The following DCSTAMP variants were observed in gnomAD, a reference collection of about 807,000 sequenced individuals.
DCSTAMP encodes dendritic cell-specific transmembrane protein.
DCSTAMP carries 25 observed loss-of-function variants against 33.8 expected under a neutral mutation model. The observed-to-expected ratio is 0.74, with a 90% confidence interval of 0.54 to 1.03. DCSTAMP has a LOEUF of 1.03. DCSTAMP is among the 50% of genes least tolerant of loss of function. The pLI is 0.00. For missense variants in DCSTAMP, 531 were observed against 556.8 expected (o/e 0.95, Z 0.47); for synonymous variants, 245 against 216.7 (o/e 1.13, Z -1.15).
chr8:104,342,867 C>T (rs893060216), intron 1 of DCSTAMP, among the ~76,000 whole-genome samples: 2 of 152,214 alleles, frequency 1.3e-5, no homozygotes, highest in Admixed American at 6.5e-5. Flanking sequence ...GTGAGCCTAA[C>T]GCTGGCTGTA....
chr8:104,353,850 A>G (rs1228473641), intron 2 of DCSTAMP, among the ~76,000 whole-genome samples: 1 of 152,238 alleles, frequency 6.6e-6, no homozygotes, highest in Non-Finnish European at 1.5e-5. Flanking sequence ...ACCCCAGTCT[A>G]TAAGGCTAAT....
chr8:104,343,890 C>T (rs533058725), intron 1 of DCSTAMP, among the ~76,000 whole-genome samples: 17 of 152,346 alleles, frequency 1.1e-4, no homozygotes, highest in African/African-American at 3.8e-4. Flanking sequence ...CTTCCAGCCT[C>T]CACCACTGTG....
chr8:104,345,094 T>G (rs190911882), intron 1 of DCSTAMP, among the ~76,000 whole-genome samples: 5 of 152,052 alleles, frequency 3.3e-5, no homozygotes, highest in African/African-American at 1.2e-4. Flanking sequence ...CAGCCTCCAG[T>G]GCCTGTCTCT....
rs1177278714 is a variant in DCSTAMP, at chr8:104,356,111, T to G, written c.1339-13T>G. ...ACTCCAATGCCCATTTATCCACTTT[T>G]CTGTCTCTTCAGATTCATTTCTGGC... On this transcript the variant is annotated splice_polypyrimidine_tract_variant and intron_variant, in intron 3 of 3. Transcript: ENST00000297581. The G allele has an allele frequency of 3.1e-6, 5 of 1,607,052 alleles. No homozygotes were observed. The highest frequency in any genetic ancestry group is 4.2e-6 in the Non-Finnish European group (5 of 1,177,298).
chr8:104,348,993 A>G lies in DCSTAMP; in HGVS notation c.441A>G (p.Ala147=). ...CACTTTTGAAAAAATATATTGAGGC[A>G]ATTCAGTGGATTTATGGCCTTGCCA... ...HFPLLKKYIE[A]IQWIYGLATP... Residue 147 remains alanine, a synonymous_variant, in exon 2 of 4, where the codon GCA becomes GCG. Coordinates refer to ENST00000297581, the MANE Select transcript of DCSTAMP (RefSeq NM_030788.4). 1 of 1,614,208 alleles carries G rather than the reference A, an allele frequency of 6.2e-7. No individual in the cohort carries two copies. The highest frequency in any genetic ancestry group is 8.5e-7 in the Non-Finnish European group (1 of 1,180,044).
At chr8:104,350,628 T>C (rs568069613) in intron 2 of DCSTAMP, among the ~76,000 whole-genome samples, 3 of 152,162 alleles carry the variant, frequency 2.0e-5, no homozygotes, top group Admixed American at 6.5e-5. Context: ...GAGTTGGACA[T>C]AGAGTTTCAG....
At chr8:104,340,148 G>GC (rs1328123796) in intron 1 of DCSTAMP, 1 of 152,210 alleles carries the variant, frequency 6.6e-6, no homozygotes, top group Non-Finnish European at 1.5e-5. Flanking sequence ...GTTATGGGGA[G>GC]CCCTAGGCTG....
At chr8:104,347,970 A>G (rs1810357474) in intron 1 of DCSTAMP, among the ~76,000 whole-genome samples, 1 of 152,190 alleles carries the variant, frequency 6.6e-6, no homozygotes, top group Non-Finnish European at 1.5e-5. Flanking sequence ...TAAGGATAAA[A>G]GCAGAGGGAA....
rs988695507 is a variant in DCSTAMP at position 104,342,433 on chromosome 8, A to C, written c.-13+2571A>C. 2.0e-5 allele frequency among the ~76,000 whole-genome samples: 3 copies of C among 152,232 alleles called. No individual in the cohort carries two copies. The South Asian group carries it at 6.2e-4, about 32-fold the overall frequency. On this transcript the variant is annotated intron_variant, in intron 1 of 3. Transcript: ENST00000297581. ...AGAAATCTAGATTTCTGACTTAAAA[A>C]ATAAAAGTCAGAAAATCTGGTGACT...
intron 2 of DCSTAMP, among the ~76,000 whole-genome samples, chr8:104,353,516 T>C (rs920172090): frequency 1.1e-4 from 17 of 152,374 alleles, no homozygotes; most frequent in Admixed American, 2.6e-4. Flanking sequence ...GTTTCTTCAA[T>C]AGTATTAAAA....
At chr8:104,342,464 C>T (rs918045343) in intron 1 of DCSTAMP, among the ~76,000 whole-genome samples, 27 of 152,212 alleles carry the variant, frequency 1.8e-4, no homozygotes, top group South Asian at 4.1e-4. Flanking sequence ...TGACTGCCTC[C>T]ATAGAGAACT....
chr8:104,353,480 T>C (rs1191291963), intron 2 of DCSTAMP, among the ~76,000 whole-genome samples: 1 of 152,234 alleles, frequency 6.6e-6, no homozygotes, highest in Non-Finnish European at 1.5e-5. Context: ...GCAGGATTTC[T>C]CATCACTGAC....
In DCSTAMP at chr8:104,356,244, C is replaced by T; in HGVS notation, c.*46C>T. 1 of 1,572,914 alleles carries T rather than the reference C, an allele frequency of 6.4e-7. No individual in the cohort carries two copies. Among genetic ancestry groups the T allele is most frequent in the Non-Finnish European group, 8.7e-7 (1 of 1,152,340 alleles). ...GCCACATCGCACCAACAATTCTCTT[C>T]AGGTCTAGGATGGCAGTCACTATTC... On this transcript the variant is annotated 3_prime_UTR_variant, in exon 4 of 4. Coordinates refer to ENST00000297581, the MANE Select transcript of DCSTAMP (RefSeq NM_030788.4).
intron 1 of DCSTAMP, among the ~76,000 whole-genome samples, chr8:104,346,480 C>T (rs539321027): frequency 2.6e-5 from 4 of 152,360 alleles, no homozygotes; most frequent in African/African-American, 9.6e-5. Flanking sequence ...TCAGTCCAGC[C>T]TCTGATTCCA....
In DCSTAMP at chr8:104,348,757, T is replaced by A; in HGVS notation, c.205T>A (p.Cys69Ser). 1 of 1,614,202 alleles carries A rather than the reference T, an allele frequency of 6.2e-7. No homozygotes were observed. The highest frequency in any genetic ancestry group is 1.1e-5 in the South Asian group (1 of 91,092). The stretch of plus-strand genomic sequence containing the variant: ...GGCCGCTGCCTCCTGGATTATCACG[T>A]GTGTTCTGCTGTGTTGCTCCAAGCA... Reference protein sequence around the residue: ...IAAAASWIITCVLLCCSKHAR... With the variant: ...IAAAASWIITSVLLCCSKHAR... The change falls in exon 2 of 4, where the codon TGT becomes AGT. Residue 69 changes from cysteine to serine, a missense_variant. Cys to Ser is a moderately radical substitution (Grantham distance 112, BLOSUM62 -1). Transcript: ENST00000297581.
At position 104,356,248 on chromosome 8, in the gene DCSTAMP, T is replaced by C. The variant is rs1164098900; in HGVS notation, c.*50T>C. The C allele has an allele frequency of 1.3e-6, 2 of 1,557,266 alleles. No homozygotes were observed. Among genetic ancestry groups the C allele is most frequent in the Admixed American group, 1.8e-5 (1 of 55,364 alleles). On this transcript the variant is annotated 3_prime_UTR_variant, in exon 4 of 4. Coordinates refer to ENST00000297581, the MANE Select transcript of DCSTAMP (RefSeq NM_030788.4). Reference sequence around the variant, plus strand: ...CATCGCACCAACAATTCTCTTCAGGTCTAGGATGGCAGTCACTATTCATGC... The same window carrying C: ...CATCGCACCAACAATTCTCTTCAGGCCTAGGATGGCAGTCACTATTCATGC...
chr8:104,340,626 T>C lies in DCSTAMP; in HGVS notation c.-13+764T>C, dbSNP rs1434056008. ...ACTGCACCTTTCATTTCAGAGAGCA[T>C]GGGGCTAGTGGGGACCTTAGAACTC... On this transcript the variant is annotated intron_variant, in intron 1 of 3. Transcript: ENST00000297581. 4.6e-5 allele frequency among the ~76,000 whole-genome samples: 7 copies of C among 152,274 alleles called. No individual in the cohort carries two copies. In the East Asian group the frequency reaches 1.4e-3, roughly 29 times the overall value.
chr8:104,354,634 C>T (rs776609304), intron 2 of DCSTAMP, among the ~76,000 whole-genome samples: 1 of 152,172 alleles, frequency 6.6e-6, no homozygotes, highest in Non-Finnish European at 1.5e-5. Flanking sequence ...ACACTTCTCT[C>T]AAGGGAATCT....
At chr8:104,351,450 A>G (rs1810461666) in intron 2 of DCSTAMP, among the ~76,000 whole-genome samples, 1 of 152,206 alleles carries the variant, frequency 6.6e-6, no homozygotes, top group African/African-American at 2.4e-5. Flanking sequence ...AGAATTCAAG[A>G]GTGAGCTGAC....
Sources: allele counts gnomAD v4.1 joint callset (sites outside exome capture counted in the v4.1 genomes callset), GRCh38; gene constraint gnomAD v4.1.1; transcripts MANE v1.5; gene names NCBI Gene and HGNC (gene_info 2026-07-23, HGNC 2026-07-21).